Variants in TMEM135 observed in about 807,000 individuals in gnomAD.
The protein encoded by TMEM135 is peroxisomal membrane protein 52.
TMEM135 carries 30 observed loss-of-function variants against 60.3 expected under a neutral mutation model. The observed-to-expected ratio is 0.50, with a 90% CI of 0.37 to 0.68. The LOEUF (loss-of-function observed/expected upper bound fraction) is 0.68, where lower values mean the gene tolerates loss of function less well. Among genes scored for constraint, TMEM135 ranks in the 30% least tolerant of loss-of-function variants. The probability of loss-of-function intolerance (pLI) is 0.00; values close to 1 mark genes in which losing one functional copy is unlikely to be tolerated. For missense variants in TMEM135, 468 were observed against 548.8 expected, an observed-to-expected ratio of 0.85 and a Z score of 1.47; for synonymous variants, 190 against 186.7, an observed-to-expected ratio of 1.02 and a Z score of -0.14.
chr11:87,259,365 A>G (rs1941596184), intron 6 of TMEM135: 1 of 304,206 alleles, frequency 3.3e-6, no homozygotes, highest in Non-Finnish European at 6.5e-6. Flanking sequence ...CAACACCCAG[A>G]AGGAAATTTT....
rs1379323869 is a variant in TMEM135 at position 87,322,946 on chromosome 11, TA to T, written c.*1615del. ...CAAAGTTGATTAATAAATTTAATCT[TA>T]ACTTTTTATTCACTGGAATCAAAAC... On this transcript the variant is annotated 3_prime_UTR_variant, in exon 15 of 15. Coordinates refer to ENST00000305494, the MANE Select transcript of TMEM135 (RefSeq NM_022918.4). 3 of 454,288 alleles carry T rather than the reference TA, an allele frequency of 6.6e-6. No individual in the cohort carries two copies. The highest frequency in any genetic ancestry group is 1.3e-5 in the Non-Finnish European group (3 of 226,718). 28.1% of individuals were successfully genotyped at this position (454,288 alleles called of 1,614,324 possible).
In TMEM135 at chr11:87,067,736, C is replaced by T. The variant is rs775330149; in HGVS notation, c.184C>T (p.His62Tyr). 105 of 1,613,818 alleles carry T rather than the reference C, an allele frequency of 6.5e-5. No individual in the cohort carries two copies. The highest frequency in any genetic ancestry group is 8.3e-5 in the Non-Finnish European group (98 of 1,179,930). ...LRKRKLDYYL[H>Y]KLLPEILQSA... ...GAAACGGAAATTAGACTATTATTTA[C>T]ACAAACTACTCCCTGAGATCCTACA... Residue 62 changes from histidine to tyrosine, a missense_variant, in exon 2 of 15, where the codon CAC becomes TAC. Physicochemically the swap from His to Tyr is moderately conservative, Grantham distance 83. Transcript: ENST00000305494.
At chr11:87,291,515 ATTTTTTTTTTTTTTT>A (rs869273724) in intron 6 of TMEM135, among the ~76,000 whole-genome samples, 94 of 50,584 alleles carry the variant, frequency 1.9e-3, no homozygotes, top group Admixed American at 5.7e-3. Flanking sequence ...CAGCCAAGTG[ATTTTTTTTTTTTTTT>A]TTTTTTTTTT....
rs1591100022 is a variant in TMEM135 at position 87,202,135 on chromosome 11, C to G, written c.463-34503C>G. On this transcript the variant is annotated intron_variant, in intron 5 of 14. Coordinates refer to ENST00000305494, the MANE Select transcript of TMEM135 (RefSeq NM_022918.4). ...CCACCTCCCTGATTCAAGTGATTCT[C>G]CTGCCTCAGCCCCCCAAGTATCTGG... Among the ~76,000 whole-genome samples the G allele has an allele frequency of 2.0e-5, 3 of 152,286 alleles. No individual in the cohort carries two copies. The East Asian group carries it at 5.8e-4, about 29-fold the overall frequency.
chr11:87,064,955 T>TC (rs1051191009), intron 1 of TMEM135, among the ~76,000 whole-genome samples: 45 of 151,396 alleles, frequency 3.0e-4, no homozygotes, highest in African/African-American at 1.0e-3. Flanking sequence ...GATTAGCTTT[T>TC]TTTTTTTCCC....
chr11:87,133,449 A>G (rs1937994971), intron 4 of TMEM135, among the ~76,000 whole-genome samples: 1 of 152,046 alleles, frequency 6.6e-6, no homozygotes, highest in Non-Finnish European at 1.5e-5. Context: ...ATTTGTTTAT[A>G]TTTTCTAGAA....
At position 87,282,590 on chromosome 11, in the gene TMEM135, C is replaced by T. The variant is rs114400551; in HGVS notation, c.510-13192C>T. Among the ~76,000 whole-genome samples the T allele has an allele frequency of 4.2e-3, 633 of 152,274 alleles. 4 individuals are homozygous for T. The highest frequency in any genetic ancestry group is 0.014 in the African/African-American group (601 of 41,552). ...CAACACTGGTTTCTTTAAAACTATC[C>T]ATGCCTGTTGTCCCTTGTAAAGTCT... On this transcript the variant is annotated intron_variant, in intron 6 of 14. Coordinates refer to ENST00000305494, the MANE Select transcript of TMEM135 (RefSeq NM_022918.4).
At chr11:87,077,521 A>T (rs1216090264) in intron 3 of TMEM135, among the ~76,000 whole-genome samples, 1 of 152,222 alleles carries the variant, frequency 6.6e-6, no homozygotes. Context: ...CGTTTCATAT[A>T]CGTGTTAGAT....
intron 6 of TMEM135, among the ~76,000 whole-genome samples, chr11:87,287,491 A>G (rs1942187955): frequency 6.6e-6 from 1 of 152,152 alleles, no homozygotes; most frequent in Admixed American, 6.5e-5. Flanking sequence ...ATCCTGGTCA[A>G]CATGGTGAAA....
chr11:87,093,122 A>C (rs1342325139), intron 4 of TMEM135, among the ~76,000 whole-genome samples: 1 of 152,088 alleles, frequency 6.6e-6, no homozygotes, highest in Non-Finnish European at 1.5e-5. Flanking sequence ...ATCACTCTTT[A>C]ACATTTTCCT....
chr11:87,260,511 CT>C (rs773213264), intron 6 of TMEM135, among the ~76,000 whole-genome samples: 2 of 148,734 alleles, frequency 1.3e-5, no homozygotes, highest in African/African-American at 2.5e-5. Flanking sequence ...ATTCCGGTCA[CT>C]TTCCTGAATT....
At chr11:87,147,151 G>A (rs61904238) in intron 4 of TMEM135, among the ~76,000 whole-genome samples, 19,625 of 151,992 alleles carry the variant, frequency 0.13, 1,338 homozygotes, top group Middle Eastern at 0.15. Flanking sequence ...GCGAAACCCC[G>A]TCTCTACTAA....
Position 87,069,494 on chromosome 11 carries a change from T to G in TMEM135, c.269+1673T>G, listed in dbSNP as rs112019025. On this transcript the variant is annotated intron_variant, in intron 2 of 14. Coordinates refer to ENST00000305494, the MANE Select transcript of TMEM135 (RefSeq NM_022918.4). The stretch of plus-strand genomic sequence containing the variant: ...GTCAGGGTGGAATTGAAAATGTCAC[T>G]TACATTTTGTTCCTAATTGGGTAGA... Among the ~76,000 whole-genome samples, 376 of 152,218 alleles carry G rather than the reference T, an allele frequency of 2.5e-3. 2 individuals carry two copies. The highest frequency in any genetic ancestry group is 8.7e-3 in the African/African-American group (361 of 41,542).
chr11:87,265,189 T>C (rs1005955374), intron 6 of TMEM135, among the ~76,000 whole-genome samples: 1 of 151,976 alleles, frequency 6.6e-6, no homozygotes, highest in Non-Finnish European at 1.5e-5. Flanking sequence ...TATAAACTGA[T>C]AGTGAGAAAT....
chr11:87,151,793 C>T (rs1200487479), intron 4 of TMEM135, among the ~76,000 whole-genome samples: 1 of 151,908 alleles, frequency 6.6e-6, no homozygotes, highest in East Asian at 1.9e-4. Context: ...GCTTTTGGAT[C>T]AATGGAAAGA....
intron 4 of TMEM135, among the ~76,000 whole-genome samples, chr11:87,123,422 T>C (rs1937636582): frequency 6.6e-6 from 1 of 152,198 alleles, no homozygotes; most frequent in South Asian, 2.1e-4. Context: ...TGTGTGATTT[T>C]GTATTTGGAT....
chr11:87,079,828 T>C (rs1856949100), intron 3 of TMEM135, among the ~76,000 whole-genome samples: 1 of 145,268 alleles, frequency 6.9e-6, no homozygotes, highest in Admixed American at 7.3e-5. Flanking sequence ...CTTTTTTCTT[T>C]TTTTCTTTTC....
chr11:87,276,329 A>G (rs1941965271), intron 6 of TMEM135, among the ~76,000 whole-genome samples: 1 of 152,134 alleles, frequency 6.6e-6, no homozygotes, highest in Non-Finnish European at 1.5e-5. Context: ...ACATTTGAGG[A>G]AACTGAAGTT....
intron 4 of TMEM135, among the ~76,000 whole-genome samples, chr11:87,123,361 A>G (rs1937635376): frequency 6.6e-6 from 1 of 152,166 alleles, no homozygotes; most frequent in Non-Finnish European, 1.5e-5. Context: ...TTATAGCCGC[A>G]TCATTCTAAT....
Sources: gnomAD v4.1 joint callset for allele counts (sites outside exome capture counted in the v4.1 genomes callset) on GRCh38, gnomAD v4.1.1 for gene constraint, MANE v1.5 for transcripts, NCBI Gene and HGNC (gene_info 2026-07-23, HGNC 2026-07-21) for gene names.